The following KSR2 variants were observed in gnomAD, a reference collection of about 807,000 sequenced individuals.
KSR2 encodes the protein kinase suppressor of ras 2.
KSR2 carries 25 observed loss-of-function variants against 107.8 expected under a neutral mutation model. The observed-to-expected ratio is 0.23, with a 90% CI of 0.17 to 0.32. KSR2 has a LOEUF of 0.32. Among genes scored for constraint, KSR2 ranks in the 10% least tolerant of loss-of-function variants. KSR2 has a pLI of 1.00. For missense variants in KSR2, 887 were observed against 1,268.9 expected (o/e 0.70, Z 4.57); for synonymous variants, 480 against 507.0 (o/e 0.95, Z 0.71).
At chr12:117,499,404 A>C (rs1040970982) in intron 14 of KSR2, among the ~76,000 whole-genome samples, 4 of 152,212 alleles carry the variant, frequency 2.6e-5, no homozygotes, top group Non-Finnish European at 5.9e-5. Context: ...TAAATCGAGA[A>C]AAAAGGAAGA....
chr12:117,784,326 C>T (rs894914112), intron 3 of KSR2, among the ~76,000 whole-genome samples: 3 of 152,176 alleles, frequency 2.0e-5, no homozygotes, highest in Non-Finnish European at 2.9e-5. Context: ...ATGGGAGTTC[C>T]CCTGCACAAG....
intron 4 of KSR2, among the ~76,000 whole-genome samples, chr12:117,706,030 T>C (rs1886513041): frequency 1.3e-5 from 2 of 150,982 alleles, no homozygotes. Flanking sequence ...TGGCTGAGTG[T>C]TGTTGGGTCT....
chr12:117,767,957 G>GGA (rs1280121594), intron 3 of KSR2, among the ~76,000 whole-genome samples: 2 of 152,074 alleles, frequency 1.3e-5, no homozygotes, highest in Non-Finnish European at 2.9e-5. Context: ...CAGAGCTCCT[G>GGA]GAGACCTGCT....
intron 1 of KSR2, among the ~76,000 whole-genome samples, chr12:117,952,676 A>AAAC (rs548708017): frequency 9.9e-5 from 15 of 151,470 alleles, no homozygotes; most frequent in African/African-American, 3.2e-4. Flanking sequence ...TCTGTCTCAA[A>AAAC]AACAACAACA....
intron 3 of KSR2, among the ~76,000 whole-genome samples, chr12:117,794,693 A>G (rs1373223562): frequency 6.6e-6 from 1 of 152,166 alleles, no homozygotes; most frequent in Middle Eastern, 3.4e-3. Flanking sequence ...CAACAGGCAC[A>G]CACACACCAA....
chr12:117,484,630 G>A, intron 15 of KSR2, 81 bp from the exon 16 acceptor site: 1 of 1,447,872 alleles, frequency 6.9e-7, no homozygotes. Context: ...CACATTCCTT[G>A]TCCTGAAGAC....
chr12:117,687,807 A>G (rs759084569), intron 4 of KSR2, among the ~76,000 whole-genome samples: 1 of 152,102 alleles, frequency 6.6e-6, no homozygotes, highest in Non-Finnish European at 1.5e-5. Context: ...ACAGCATGAC[A>G]CACGATGGAA....
intron 3 of KSR2, among the ~76,000 whole-genome samples, chr12:117,780,038 G>A (rs562251744): frequency 1.1e-4 from 16 of 152,208 alleles, no homozygotes; most frequent in East Asian, 3.9e-4. Context: ...AGCAGGTTAC[G>A]AAAACATATC....
rs556654111 is a variant in KSR2, at chr12:117,506,421, T to C, written c.2219+18431A>G. 5.3e-5 allele frequency among the ~76,000 whole-genome samples: 8 copies of C among 152,318 alleles called. No individual in the cohort carries two copies. In the South Asian group the frequency reaches 1.0e-3, roughly 20 times the overall value. On this transcript the variant is annotated intron_variant, in intron 14 of 19. Transcript: ENST00000339824. Reference sequence around the variant, plus strand: ...CACCTCTTTCTCTACTTAGCAAACATTGATATATTTTTTTCCTGAGTTGTC... The same window carrying C: ...CACCTCTTTCTCTACTTAGCAAACACTGATATATTTTTTTCCTGAGTTGTC...
Position 117,844,482 on chromosome 12 carries a change from ATT to A in KSR2, c.472+10944_472+10945del, listed in dbSNP as rs11299760. 0.013 allele frequency among the ~76,000 whole-genome samples: 977 copies of A among 72,496 alleles called. 36 individuals carry two copies. In the East Asian group the frequency reaches 0.19, roughly 14 times the overall value. The allele number at this position is 72,496 out of a possible 152,430, so 47.6% of individuals were successfully genotyped here. A position where few individuals can be genotyped will look rare whatever the true frequency, so the allele number is the denominator to read the frequency against. ...GCTGAAATTCCCTCCTCTTCTGAGTATTTTTTTTTTTTTAACTCACAAGTTTT... is the reference window on the plus strand; with the variant it reads ...GCTGAAATTCCCTCCTCTTCTGAGTATTTTTTTTTTTAACTCACAAGTTTT... On this transcript the variant is annotated intron_variant, in intron 3 of 19. Transcript: ENST00000339824.
At chr12:117,805,639 G>A (rs1890982630) in intron 3 of KSR2, among the ~76,000 whole-genome samples, 1 of 152,226 alleles carries the variant, frequency 6.6e-6, no homozygotes, top group African/African-American at 2.4e-5. Context: ...CTGGCTAAGT[G>A]TGGTCCCCTA....
At chr12:117,703,646 C>G (rs932183063) in intron 4 of KSR2, among the ~76,000 whole-genome samples, 1 of 152,180 alleles carries the variant, frequency 6.6e-6, no homozygotes, top group South Asian at 2.1e-4. Context: ...ACTTGTGTGT[C>G]TTAAGTGACG....
intron 7 of KSR2, among the ~76,000 whole-genome samples, chr12:117,562,006 A>T (rs11068542): frequency 0.4 from 60,659 of 151,978 alleles, 12,746 homozygotes; most frequent in African/African-American, 0.51. Context: ...ATGTATAAGC[A>T]GATAAATCAA....
intron 14 of KSR2, among the ~76,000 whole-genome samples, chr12:117,494,855 C>T (rs1235009497): frequency 6.6e-6 from 1 of 152,178 alleles, no homozygotes; most frequent in East Asian, 1.9e-4. Context: ...AAGAAAAAAG[C>T]CAGGCATGTG....
At chr12:117,946,739 T>C (rs11068756) in intron 1 of KSR2, among the ~76,000 whole-genome samples, 60,556 of 151,898 alleles carry the variant, frequency 0.4, 12,539 homozygotes, top group African/African-American at 0.5. Flanking sequence ...ACTAACAAAT[T>C]AAATCTAACA....
intron 5 of KSR2, among the ~76,000 whole-genome samples, chr12:117,621,257 A>G (rs1381938521): frequency 1.3e-5 from 2 of 152,120 alleles, no homozygotes; most frequent in Non-Finnish European, 2.9e-5. Context: ...CACCATAACT[A>G]AGTTTCCTGA....
chr12:117,957,128 C>T (rs1037718126), intron 1 of KSR2, among the ~76,000 whole-genome samples: 4 of 152,220 alleles, frequency 2.6e-5, no homozygotes, highest in Non-Finnish European at 5.9e-5. Flanking sequence ...ACTTCCCCTT[C>T]GCCCTCTGTT....
chr12:117,733,339 T>C (rs908224161), intron 4 of KSR2, among the ~76,000 whole-genome samples: 1 of 152,182 alleles, frequency 6.6e-6, no homozygotes, highest in African/African-American at 2.4e-5. Context: ...TCCCGGGCCA[T>C]GATGCCTGCT....
chr12:117,745,821 C>G (rs907069009), intron 4 of KSR2, among the ~76,000 whole-genome samples: 3 of 152,048 alleles, frequency 2.0e-5, no homozygotes, highest in African/African-American at 7.2e-5. Flanking sequence ...TGAATGAACT[C>G]CCATTCACAA....
Sources: allele counts gnomAD v4.1 joint callset (sites outside exome capture counted in the v4.1 genomes callset), GRCh38; gene constraint gnomAD v4.1.1; transcripts MANE v1.5; gene names NCBI Gene and HGNC (gene_info 2026-07-23, HGNC 2026-07-21).